The following UNC5C variants were observed in gnomAD, a reference collection of about 807,000 sequenced individuals.
UNC5C encodes netrin receptor UNC5C.
In UNC5C, 47 loss-of-function variants were observed where a neutral mutation model predicts 99.8. The ratio of observed to expected loss-of-function variants is 0.47; its 90% CI spans 0.37 to 0.60. UNC5C has a LOEUF of 0.60. Ranked by LOEUF, UNC5C falls within the 20% of genes least tolerant of loss-of-function variation. The pLI is 0.00. For synonymous variants in UNC5C, 487 were observed against 452.2 expected, an observed-to-expected ratio of 1.08 and a Z score of -0.98; for missense variants, 1,062 against 1,165.9, an observed-to-expected ratio of 0.91 and a Z score of 1.30.
At chr4:95,263,268 G>T (rs1341652492) in intron 4 of UNC5C, among the ~76,000 whole-genome samples, 2 of 152,112 alleles carry the variant, frequency 1.3e-5, no homozygotes, top group African/African-American at 4.8e-5. Context: ...CACAGACATG[G>T]CATCTTTTCC....
chr4:95,482,032 T>C (rs1721172936), intron 1 of UNC5C, among the ~76,000 whole-genome samples: 2 of 152,072 alleles, frequency 1.3e-5, no homozygotes, highest in African/African-American at 4.8e-5. Context: ...ACTAAAGAGC[T>C]TCTGCACAGC....
chr4:95,478,234 C>G (rs1039580144), intron 1 of UNC5C, among the ~76,000 whole-genome samples: 3 of 151,856 alleles, frequency 2.0e-5, no homozygotes, highest in Non-Finnish European at 4.4e-5. Context: ...TTTTTTTACT[C>G]TAGTAATCCT....
chr4:95,489,210 G>T (rs1721413891), intron 1 of UNC5C, among the ~76,000 whole-genome samples: 1 of 151,374 alleles, frequency 6.6e-6, no homozygotes, highest in South Asian at 2.1e-4. Flanking sequence ...ATGACGATAG[G>T]GTGACACAAA....
At chr4:95,456,793 T>C (rs1337165330) in intron 1 of UNC5C, among the ~76,000 whole-genome samples, 1 of 152,182 alleles carries the variant, frequency 6.6e-6, no homozygotes, top group Non-Finnish European at 1.5e-5. Context: ...ATGAGACTTA[T>C]ACAAATACTA....
In UNC5C at chr4:95,369,186, G is replaced by A. The variant is rs886080129; in HGVS notation, c.125-33555C>T. On this transcript the variant is annotated intron_variant, in intron 1 of 15. Coordinates refer to ENST00000453304, the MANE Select transcript of UNC5C (RefSeq NM_003728.4). Reference sequence around the variant, plus strand: ...GTGTGTATTTTTATGTATACTTTCTGCAATCTCAATTTGGTGCTAAATTTT... The same window carrying A: ...GTGTGTATTTTTATGTATACTTTCTACAATCTCAATTTGGTGCTAAATTTT... Among the ~76,000 whole-genome samples the A allele has an allele frequency of 8.7e-5, 6 of 68,946 alleles. No individual in the cohort carries two copies. In the East Asian group the frequency reaches 5.1e-3, roughly 59 times the overall value. The allele number at this position is 68,946 out of a possible 152,430, so 45.2% of individuals were successfully genotyped here.
chr4:95,455,459 G>A (rs1010427065), intron 1 of UNC5C, among the ~76,000 whole-genome samples: 5 of 151,946 alleles, frequency 3.3e-5, no homozygotes, highest in Non-Finnish European at 7.4e-5. Flanking sequence ...GCTTGCATGA[G>A]TTTGAGACCA....
At chr4:95,390,104 G>A (rs911166630) in intron 1 of UNC5C, among the ~76,000 whole-genome samples, 6 of 152,016 alleles carry the variant, frequency 3.9e-5, no homozygotes, top group Non-Finnish European at 5.9e-5. Flanking sequence ...ACAGTAAAAA[G>A]TATCATACTA....
At position 95,219,221 on chromosome 4, in the gene UNC5C, T is replaced by A. The variant is rs768606046; in HGVS notation, c.1393A>T (p.Met465Leu). The change falls in exon 9 of 16, where the codon ATG (methionine) becomes TTG (leucine). Residue 465 changes from methionine (M) to leucine (L), a missense_variant. This residue lies in a region of UNC5C where 810 missense variants were observed against 854.5 expected (regional missense o/e 0.95). Transcript: ENST00000453304. ...GGATCCAGAATTGGAGAGTTGGTCA[T>A]TGGGATTTTGTCTGAGACGTCATGC... ...ALHDVSDKIP[M>L]TNSPILDPLP... 4 of 1,614,168 alleles carry A rather than the reference T, an allele frequency of 2.5e-6. No homozygotes were observed. Among genetic ancestry groups the A allele is most frequent in the Non-Finnish European group, 3.4e-6 (4 of 1,180,016 alleles).
chr4:95,191,226 C>G (rs1046095140), intron 12 of UNC5C, among the ~76,000 whole-genome samples: 4 of 152,210 alleles, frequency 2.6e-5, no homozygotes, highest in African/African-American at 9.6e-5. Context: ...TAGATTTCAT[C>G]TGCCTCATCT....
At chr4:95,308,416 C>A (rs1331730195) in intron 2 of UNC5C, among the ~76,000 whole-genome samples, 5 of 151,888 alleles carry the variant, frequency 3.3e-5, no homozygotes, top group Admixed American at 2.6e-4. Context: ...GAGCTGTACA[C>A]TGCAAACAAT....
intron 1 of UNC5C, among the ~76,000 whole-genome samples, chr4:95,426,557 G>A (rs903708880): frequency 2.0e-5 from 3 of 152,332 alleles, no homozygotes; most frequent in African/African-American, 4.8e-5. Context: ...TGAAAGCTAG[G>A]CCTCTTGTGC....
intron 1 of UNC5C, among the ~76,000 whole-genome samples, chr4:95,379,777 CT>C (rs1486997700): frequency 2.0e-5 from 3 of 152,128 alleles, no homozygotes; most frequent in Non-Finnish European, 4.4e-5. Context: ...ATAAGAACGG[CT>C]TGGTACTTCT....
intron 1 of UNC5C, among the ~76,000 whole-genome samples, chr4:95,338,389 A>G (rs2149422459): frequency 6.6e-6 from 1 of 152,164 alleles, no homozygotes; most frequent in South Asian, 2.1e-4. Context: ...ATTCTCTTCA[A>G]CTGAAATAAT....
At chr4:95,177,433 G>A (rs904432836) in intron 14 of UNC5C, among the ~76,000 whole-genome samples, 38 of 152,128 alleles carry the variant, frequency 2.5e-4, no homozygotes, top group African/African-American at 6.8e-4. Flanking sequence ...GCCCTGCACC[G>A]CTTCAGTGGC....
chr4:95,410,358 A>G lies in UNC5C; in HGVS notation c.125-74727T>C, dbSNP rs540294097. Among the ~76,000 whole-genome samples the G allele has an allele frequency of 2.0e-5, 3 of 152,306 alleles. No individual in the cohort carries two copies. In the Middle Eastern group the frequency reaches 0.01, roughly 518 times the overall value. ...TAATGAAAAGAAAAAAGGAAAAAAG[A>G]CAAATGGATTTCACCCAAGGGGTTA... On this transcript the variant is annotated intron_variant, in intron 1 of 15. Transcript: ENST00000453304.
At chr4:95,368,027 A>G (rs1744625955) in intron 1 of UNC5C, among the ~76,000 whole-genome samples, 3 of 152,178 alleles carry the variant, frequency 2.0e-5, no homozygotes, top group Non-Finnish European at 2.9e-5. Flanking sequence ...GAGGTCATGA[A>G]AGTAACCCAG....
Position 95,521,085 on chromosome 4 carries a change from C to T in UNC5C, c.124+27649G>A, listed in dbSNP as rs577740953. Among the ~76,000 whole-genome samples the T allele has an allele frequency of 4.6e-5, 7 of 151,904 alleles. No individual in the cohort carries two copies. In the South Asian group the frequency reaches 1.3e-3, roughly 27 times the overall value. On this transcript the variant is annotated intron_variant, in intron 1 of 15. Transcript: ENST00000453304. The stretch of plus-strand genomic sequence containing the variant: ...ATTTATTTTTTATGGTTCTGGAGAC[C>T]GAGACCAGGATGCCTGCATGATTAG...
chr4:95,453,476 A>G (rs182793023), intron 1 of UNC5C, among the ~76,000 whole-genome samples: 13 of 152,220 alleles, frequency 8.5e-5, no homozygotes, highest in Admixed American at 8.5e-4. Context: ...AAGAAGAAAA[A>G]GAAAAAAGAG....
chr4:95,516,396 A>G (rs1484882093), intron 1 of UNC5C, among the ~76,000 whole-genome samples: 1 of 152,182 alleles, frequency 6.6e-6, no homozygotes. Flanking sequence ...CATTTCTTCA[A>G]CCAAAATATG....
Sources: allele counts gnomAD v4.1 joint callset (sites outside exome capture counted in the v4.1 genomes callset), GRCh38; gene constraint gnomAD v4.1.1; regional missense constraint gnomAD v4.1.1; transcripts MANE v1.5; gene names NCBI Gene and HGNC (gene_info 2026-07-23, HGNC 2026-07-21).